GPR137B: variants seen among roughly 807,000 people sequenced by gnomAD.
The protein encoded by GPR137B is G protein-coupled receptor 137B.
A neutral mutation model predicts 42.5 loss-of-function variants in GPR137B; 42 were observed. The ratio of observed to expected loss-of-function variants is 0.99; its 90% CI spans 0.77 to 1.28. The LOEUF is 1.28. GPR137B is among the 50% of genes most tolerant of loss of function. The pLI is 0.00. For synonymous variants in GPR137B, 218 were observed against 209.7 expected (o/e 1.04, Z -0.34); for missense variants, 487 against 493.9 (o/e 0.99, Z 0.13).
intron 2 of GPR137B, among the ~76,000 whole-genome samples, chr1:236,176,522 C>G (rs1184412748): frequency 1.3e-5 from 2 of 152,168 alleles, no homozygotes; most frequent in Admixed American, 6.5e-5. Flanking sequence ...TCATCCCACT[C>G]TCTCAGCACG....
At chr1:236,166,929 G>T (rs1662376619) in intron 1 of GPR137B, among the ~76,000 whole-genome samples, 1 of 152,180 alleles carries the variant, frequency 6.6e-6, no homozygotes, top group Admixed American at 6.5e-5. Flanking sequence ...AAGCAGCGGA[G>T]AGTAGATGTG....
At chr1:236,181,217 TAA>T (rs1662865176) in intron 4 of GPR137B, among the ~76,000 whole-genome samples, 1 of 152,212 alleles carries the variant, frequency 6.6e-6, no homozygotes, top group South Asian at 2.1e-4. Context: ...TATAAATGTA[TAA>T]GTTACGAGTC....
chr1:236,149,099 C>T (rs929471002), intron 1 of GPR137B, among the ~76,000 whole-genome samples: 4 of 152,216 alleles, frequency 2.6e-5, no homozygotes, highest in South Asian at 2.1e-4. Context: ...CTTCGACACC[C>T]AGCCACTGTC....
intron 1 of GPR137B, among the ~76,000 whole-genome samples, chr1:236,151,981 G>T (rs1304008841): frequency 6.6e-6 from 1 of 152,004 alleles, no homozygotes; most frequent in Non-Finnish European, 1.5e-5. Context: ...AAGTGGGCAG[G>T]GTGTGAGCAA....
intron 1 of GPR137B, among the ~76,000 whole-genome samples, chr1:236,167,250 G>A (rs537160063): frequency 2.6e-5 from 4 of 152,314 alleles, no homozygotes; most frequent in Admixed American, 2.6e-4. Flanking sequence ...TCACACAGTT[G>A]CCCACCCTTG....
rs1317373059 is a variant in GPR137B at position 236,154,291 on chromosome 1, C to T, written c.414+11255C>T. Among the ~76,000 whole-genome samples, 3 of 133,166 alleles carry T rather than the reference C, an allele frequency of 2.3e-5. No individual in the cohort carries two copies. In the East Asian group the frequency reaches 8.2e-4, roughly 36 times the overall value. 87.4% of individuals were successfully genotyped at this position (133,166 alleles called of 152,430 possible). On this transcript the variant is annotated intron_variant, in intron 1 of 6. Coordinates refer to ENST00000366592, the MANE Select transcript of GPR137B (RefSeq NM_003272.4). ...TGGAAGGGTGGTGCTGGGTAACTCCCACCCTGCGCCCTGGGGCTGTGAACA... is the reference window on the plus strand; with the variant it reads ...TGGAAGGGTGGTGCTGGGTAACTCCTACCCTGCGCCCTGGGGCTGTGAACA...
intron 4 of GPR137B, among the ~76,000 whole-genome samples, 179 bp from the exon 5 acceptor site, chr1:236,183,599 T>C (rs1662942024): frequency 6.6e-6 from 1 of 152,258 alleles, no homozygotes; most frequent in South Asian, 2.1e-4. Flanking sequence ...TGTACTATAC[T>C]ATATTTTAAT....
intron 1 of GPR137B, among the ~76,000 whole-genome samples, chr1:236,153,822 A>G (rs1281343133): frequency 2.0e-5 from 3 of 152,256 alleles, no homozygotes; most frequent in Non-Finnish European, 1.5e-5. Context: ...TTTAAAAAGA[A>G]CCAGTGGTTT....
chr1:236,188,259 C>T (rs1328077318), intron 5 of GPR137B, among the ~76,000 whole-genome samples: 2 of 152,258 alleles, frequency 1.3e-5, no homozygotes, highest in Middle Eastern at 3.4e-3. Context: ...ATGATCATGT[C>T]ATCTGCAAAA....
intron 5 of GPR137B, among the ~76,000 whole-genome samples, chr1:236,193,133 G>A (rs139011606): frequency 1.3e-5 from 2 of 152,066 alleles, no homozygotes; most frequent in African/African-American, 2.4e-5. Context: ...GAACTCAGGC[G>A]ATCCACCTGC....
In GPR137B at chr1:236,208,470, G is replaced by T; in HGVS notation, c.*312G>T. 1.1e-6 allele frequency: 1 copy of T among 879,868 alleles called. No individual in the cohort carries two copies. The highest frequency in any genetic ancestry group is 1.4e-6 in the Non-Finnish European group (1 of 712,448). The allele number at this position is 879,868 out of a possible 1,614,324, so 54.5% of individuals were successfully genotyped here. A position where few individuals can be genotyped will look rare whatever the true frequency, so the allele number is the denominator to read the frequency against. ...GTATACTAGGGTTTTTTTTTCTTGA[G>T]AATGTTACTGCAATCATGTTGTAGT... On this transcript the variant is annotated 3_prime_UTR_variant, in exon 7 of 7. Transcript: ENST00000366592.
At chr1:236,172,040 C>CAAAA (rs554280420) in intron 2 of GPR137B, among the ~76,000 whole-genome samples, 8 of 72,514 alleles carry the variant, frequency 1.1e-4, no homozygotes, top group African/African-American at 3.7e-4. Flanking sequence ...AACTCCATCT[C>CAAAA]AAAAAAAAAA....
At chr1:236,196,418 G>A (rs1221218203) in intron 5 of GPR137B, among the ~76,000 whole-genome samples, 1 of 152,172 alleles carries the variant, frequency 6.6e-6, no homozygotes, top group Admixed American at 6.5e-5. Context: ...GGGATTACAG[G>A]CATGAGCCAC....
At position 236,196,340 on chromosome 1, in the gene GPR137B, G is replaced by A. The variant is rs374882020; in HGVS notation, c.967-8786G>A. Among the ~76,000 whole-genome samples, 47 of 152,122 alleles carry A rather than the reference G, an allele frequency of 3.1e-4. No homozygotes were observed. The Middle Eastern group carries it at 0.017, about 55-fold the overall frequency. On this transcript the variant is annotated intron_variant, in intron 5 of 6. Coordinates refer to ENST00000366592, the MANE Select transcript of GPR137B (RefSeq NM_003272.4). Reference sequence around the variant, plus strand: ...TTTTTGGTATAGATGGGTCTTCACCGTGTTGGCCAGCCTGGTCTCGAACTC... The same window carrying A: ...TTTTTGGTATAGATGGGTCTTCACCATGTTGGCCAGCCTGGTCTCGAACTC...
chr1:236,186,371 G>A (rs1571996995), intron 5 of GPR137B, among the ~76,000 whole-genome samples: 1 of 105,646 alleles, frequency 9.5e-6, no homozygotes. Flanking sequence ...AAGTTCTGGG[G>A]TACATGTGCA....
chr1:236,157,574 C>A (rs930198393), intron 1 of GPR137B, among the ~76,000 whole-genome samples: 3 of 152,114 alleles, frequency 2.0e-5, no homozygotes. Context: ...AGAGGGCTAC[C>A]GGTTGTGGCC....
intron 1 of GPR137B, among the ~76,000 whole-genome samples, chr1:236,160,680 C>T (rs568070446): frequency 6.6e-6 from 1 of 152,322 alleles, no homozygotes; most frequent in African/African-American, 2.4e-5. Flanking sequence ...GCTCCCACTT[C>T]CTCCTGCTGC....
intron 5 of GPR137B, among the ~76,000 whole-genome samples, chr1:236,194,616 C>T (rs897786017): frequency 2.6e-5 from 4 of 152,120 alleles, no homozygotes; most frequent in African/African-American, 7.2e-5. Context: ...TTTGGTGTAC[C>T]ATATAATCTA....
At chr1:236,170,914 T>C (rs1161178320) in intron 2 of GPR137B, among the ~76,000 whole-genome samples, 1 of 150,540 alleles carries the variant, frequency 6.6e-6, no homozygotes, top group Admixed American at 6.6e-5. Flanking sequence ...GGGTGGAGAT[T>C]GCAGTGTGTG....
Sources: allele counts gnomAD v4.1 joint callset (sites outside exome capture counted in the v4.1 genomes callset), GRCh38; gene constraint gnomAD v4.1.1; transcripts MANE v1.5; gene names NCBI Gene and HGNC (gene_info 2026-07-23, HGNC 2026-07-21).